Variants in TNKS observed in about 807,000 individuals in gnomAD.
TNKS encodes the protein tankyrase, also known as poly [ADP-ribose] polymerase tankyrase-1.
Under a neutral mutation model 135.8 loss-of-function variants are expected in TNKS, and 72 were observed. That is an observed-to-expected ratio of 0.53 (90% confidence interval 0.44 to 0.64). The LOEUF is 0.64. TNKS is among the 30% of genes least tolerant of loss of function. TNKS has a pLI of 0.00. For missense variants in TNKS, 1,769 were observed against 1,674.0 expected, an observed-to-expected ratio of 1.06 and a Z score of -0.99; for synonymous variants, 849 against 649.3, an observed-to-expected ratio of 1.31 and a Z score of -4.68.
chr8:9,733,668 T>C (rs533209003), intron 15 of TNKS, among the ~76,000 whole-genome samples: 1 of 152,310 alleles, frequency 6.6e-6, no homozygotes, highest in South Asian at 2.1e-4. Context: ...TAAAAATTCA[T>C]CAAAGTAGGT....
chr8:9,662,975 G>T (rs1422132143), intron 3 of TNKS, among the ~76,000 whole-genome samples: 1 of 152,208 alleles, frequency 6.6e-6, no homozygotes, highest in Non-Finnish European at 1.5e-5. Flanking sequence ...GAGATGGAGA[G>T]ATTATCTTGG....
At chr8:9,660,543 A>T (rs916603476) in intron 3 of TNKS, among the ~76,000 whole-genome samples, 2 of 152,222 alleles carry the variant, frequency 1.3e-5, no homozygotes, top group Admixed American at 6.5e-5. Context: ...AACAACCTTC[A>T]TGCTAAAAAC....
chr8:9,569,705 G>A (rs1424545518), intron 1 of TNKS, among the ~76,000 whole-genome samples: 1 of 152,152 alleles, frequency 6.6e-6, no homozygotes, highest in Non-Finnish European at 1.5e-5. Context: ...GCAATATTTA[G>A]TTAATTTGCA....
intron 3 of TNKS, among the ~76,000 whole-genome samples, chr8:9,665,878 C>A (rs1355216019): frequency 1.3e-5 from 2 of 152,172 alleles, no homozygotes; most frequent in Non-Finnish European, 2.9e-5. Flanking sequence ...AGAGTCTACG[C>A]ACCTCAAGAA....
At chr8:9,598,729 G>GTGTGTGTCTGTGTC (rs777986624) in intron 2 of TNKS, among the ~76,000 whole-genome samples, 1 of 123,508 alleles carries the variant, frequency 8.1e-6, no homozygotes, top group African/African-American at 3.1e-5. Context: ...GTGTGTGTGT[G>GTGTGTGTCTGTGTC]TGTGTCTGTG....
At chr8:9,772,713 A>C (rs988410984) in intron 26 of TNKS, among the ~76,000 whole-genome samples, 4 of 151,996 alleles carry the variant, frequency 2.6e-5, no homozygotes, top group South Asian at 4.2e-4. Context: ...CAATATGTCT[A>C]TGCTTAGAAA....
intron 3 of TNKS, among the ~76,000 whole-genome samples, chr8:9,644,875 A>G (rs1449347906): frequency 6.6e-6 from 1 of 152,162 alleles, no homozygotes; most frequent in Non-Finnish European, 1.5e-5. Context: ...ACAGTATTCA[A>G]TAAATTACAG....
At chr8:9,603,830 G>C (rs981237133) in intron 2 of TNKS, among the ~76,000 whole-genome samples, 3 of 151,964 alleles carry the variant, frequency 2.0e-5, no homozygotes, top group African/African-American at 7.3e-5. Context: ...TATTAAGAGA[G>C]AACAGAACTC....
intron 17 of TNKS, chr8:9,740,880 G>C (rs1458590103): frequency 8.3e-6 from 1 of 119,806 alleles, no homozygotes; most frequent in Non-Finnish European, 1.6e-5. Context: ...CGCTATCTCA[G>C]CTCACTGCAA....
chr8:9,769,977 T>A (rs1807725298), intron 25 of TNKS, 129 bp from the exon 26 acceptor site: 1 of 801,466 alleles, frequency 1.2e-6, no homozygotes, highest in African/African-American at 1.7e-5. Context: ...TTCCTACTCA[T>A]AAATCTGAAA....
intron 5 of TNKS, among the ~76,000 whole-genome samples, chr8:9,698,998 C>G (rs1803664340): frequency 6.6e-6 from 1 of 152,094 alleles, no homozygotes; most frequent in South Asian, 2.1e-4. Flanking sequence ...GTGTCTGTTC[C>G]ATAATTTACT....
At chr8:9,609,319 T>C (rs180691690) in intron 2 of TNKS, among the ~76,000 whole-genome samples, 123 of 152,336 alleles carry the variant, frequency 8.1e-4, no homozygotes, top group African/African-American at 2.8e-3. Flanking sequence ...ACTGCCAATC[T>C]GGGGCCACCT....
intron 5 of TNKS, among the ~76,000 whole-genome samples, chr8:9,695,329 A>G (rs951236187): frequency 1.3e-5 from 2 of 152,148 alleles, no homozygotes; most frequent in Non-Finnish European, 2.9e-5. Flanking sequence ...TATGAAATTA[A>G]ATATTCATAT....
intron 3 of TNKS, among the ~76,000 whole-genome samples, chr8:9,620,169 C>T (rs577716275): frequency 1.3e-3 from 193 of 152,172 alleles, no homozygotes; most frequent in Non-Finnish European, 2.3e-3. Flanking sequence ...AGGATGGTCT[C>T]GATCTCCTGA....
intron 15 of TNKS, 31 bp from the exon 16 acceptor site, chr8:9,734,834 A>G (rs1189106033): frequency 8.2e-6 from 13 of 1,585,780 alleles, no homozygotes; most frequent in Non-Finnish European, 1.1e-5. Context: ...TACAGAAAAT[A>G]CAAACCCCAT....
At chr8:9,643,308 G>C (rs1041191770) in intron 3 of TNKS, among the ~76,000 whole-genome samples, 3 of 145,804 alleles carry the variant, frequency 2.1e-5, no homozygotes, top group African/African-American at 7.6e-5. Flanking sequence ...CCAAGGTTGA[G>C]GGACCCGTGT....
At chr8:9,771,966 GAGAGGGAGAA>G (rs1308869935) in intron 26 of TNKS, among the ~76,000 whole-genome samples, 4 of 82,088 alleles carry the variant, frequency 4.9e-5, no homozygotes, top group African/African-American at 1.2e-4. Flanking sequence ...GGGAGGGAGT[GAGAGGGAGAA>G]AGAGGTGGGA....
intron 3 of TNKS, among the ~76,000 whole-genome samples, chr8:9,633,824 T>C (rs985032913): frequency 6.6e-6 from 1 of 152,100 alleles, no homozygotes; most frequent in Non-Finnish European, 1.5e-5. Context: ...CACATGAAGA[T>C]TCTTGGAAGC....
intron 26 of TNKS, among the ~76,000 whole-genome samples, chr8:9,773,118 G>A (rs542007863): frequency 6.6e-6 from 1 of 151,524 alleles, no homozygotes; most frequent in African/African-American, 2.4e-5. Flanking sequence ...TAGAAAAGAA[G>A]CTTTTTTTTA....
Sources: gnomAD v4.1 joint callset for allele counts (sites outside exome capture counted in the v4.1 genomes callset) on GRCh38, gnomAD v4.1.1 for gene constraint, MANE v1.5 for transcripts, NCBI Gene and HGNC (gene_info 2026-07-23, HGNC 2026-07-21) for gene names.